The following MAP3K15 variants were observed in gnomAD, a reference collection of about 807,000 sequenced individuals.
The protein encoded by MAP3K15 is mitogen-activated protein kinase kinase kinase 15, also known as MAPK/ERK kinase kinase 15.
MAP3K15 carries 124 observed loss-of-function variants against 99.5 expected under a neutral mutation model. That is an observed-to-expected ratio of 1.25 (90% CI 1.08 to 1.45). The LOEUF (loss-of-function observed/expected upper bound fraction) is 1.45, where lower values mean the gene tolerates loss of function less well. Ranked by LOEUF, MAP3K15 falls within the 40% of genes most tolerant of loss-of-function variation. MAP3K15 has a pLI of 0.00. For synonymous variants in MAP3K15, 494 were observed against 439.6 expected (o/e 1.12, Z -1.55); for missense variants, 1,242 against 1,079.7 (o/e 1.15, Z -2.11).
intron 11 of MAP3K15, among the ~76,000 whole-genome samples, 193 bp downstream of exon 11, chrX:19,413,161 TCAC>T (rs964778496): frequency 7.7e-5 from 8 of 104,246 alleles, no homozygotes. Context: ...CCCCCACACC[TCAC>T]CACATGCCCA....
intron 9 of MAP3K15, among the ~76,000 whole-genome samples, chrX:19,415,690 T>C (rs2063728573): frequency 9.0e-6 from 1 of 110,681 alleles, no homozygotes; most frequent in Non-Finnish European, 1.9e-5. Flanking sequence ...TGAAAAACTT[T>C]GCAGATAAAC....
chrX:19,479,391 G>T (rs2064274345), intron 3 of MAP3K15, among the ~76,000 whole-genome samples: 1 of 111,123 alleles, frequency 9.0e-6, no homozygotes, highest in African/African-American at 3.3e-5. Flanking sequence ...CCCTCCCAAT[G>T]TGGTCAGCCA....
chrX:19,508,681 G>A (rs758302608), intron 1 of MAP3K15, among the ~76,000 whole-genome samples: 214 of 110,981 alleles, frequency 1.9e-3, no homozygotes, highest in African/African-American at 6.6e-3. Context: ...CCAGGAATTC[G>A]AGTCCATAAG....
intron 15 of MAP3K15, among the ~76,000 whole-genome samples, 163 bp from the exon 16 acceptor site, chrX:19,395,371 G>C (rs2063561288): frequency 1.8e-5 from 2 of 111,775 alleles, no homozygotes; most frequent in African/African-American, 3.3e-5. Context: ...CTGTACAATA[G>C]AGGATAAGCC....
intron 6 of MAP3K15, among the ~76,000 whole-genome samples, chrX:19,432,776 C>T (rs1209514242): frequency 9.4e-6 from 1 of 106,072 alleles, no homozygotes; most frequent in Non-Finnish European, 1.9e-5. Flanking sequence ...AGTGCAGTGG[C>T]ATGATCTCAA....
chrX:19,464,842 GTGGA>G (rs1265684628), intron 3 of MAP3K15, among the ~76,000 whole-genome samples: 1 of 111,569 alleles, frequency 9.0e-6, no homozygotes, highest in Non-Finnish European at 1.9e-5. Context: ...TATAAACTTT[GTGGA>G]ATAAAAATTG....
chrX:19,446,679 G>C (rs1003535479), intron 6 of MAP3K15, among the ~76,000 whole-genome samples: 1 of 110,423 alleles, frequency 9.1e-6, no homozygotes, highest in Admixed American at 9.7e-5. Flanking sequence ...CTTCAGTCAG[G>C]CTAAACTGGA....
rs2063387133 is a variant in MAP3K15 at position 19,372,941 on chromosome X, G to A, written c.2934-114C>T. ...GAGAGGTAACTGCGATGCAGTCCCT[G>A]TGCTCAAGAAGATGAAATTGCCGGA... On this transcript the variant is annotated intron_variant, in intron 21 of 28. Transcript: ENST00000338883. 5.6e-6 allele frequency: 4 copies of A among 712,593 alleles called. No homozygotes were observed. In the Admixed American group the frequency reaches 9.3e-5, roughly 17 times the overall value. 58.7% of individuals were successfully genotyped at this position (712,593 alleles called of 1,213,427 possible).
chrX:19,370,158 T>C (rs1177963350), intron 24 of MAP3K15, among the ~76,000 whole-genome samples: 1 of 111,795 alleles, frequency 8.9e-6, no homozygotes, highest in Non-Finnish European at 1.9e-5. Context: ...AAGCCTCCCT[T>C]AGCAGGAAGA....
At chrX:19,394,995 G>A (rs1464706050) in intron 16 of MAP3K15, 86 bp downstream of exon 16, 1 of 1,092,879 alleles carries the variant, frequency 9.2e-7, no homozygotes, top group African/African-American at 1.9e-5. Flanking sequence ...TTAGGGGTCT[G>A]TCATTTTGTA....
At chrX:19,507,575 C>CAAAAAAAAAAAAAAAAAAAAAAAAA (rs1165492097) in intron 1 of MAP3K15, among the ~76,000 whole-genome samples, 1 of 10,893 alleles carries the variant, frequency 9.2e-5, no homozygotes, top group African/African-American at 3.2e-4. Context: ...CACCTTGTCT[C>CAAAAAAAAAAAAAAAAAAAAAAAAA]AAAAAAAAAA....
intron 13 of MAP3K15, among the ~76,000 whole-genome samples, chrX:19,405,458 A>G (rs1450146383): frequency 1.8e-5 from 2 of 112,324 alleles, no homozygotes; most frequent in Non-Finnish European, 1.9e-5. Context: ...TTAAGTCAAA[A>G]AAGACAAAGA....
At chrX:19,470,542 AAATT>A (rs1221158341) in intron 3 of MAP3K15, among the ~76,000 whole-genome samples, 1 of 33,938 alleles carries the variant, frequency 2.9e-5, no homozygotes, top group African/African-American at 5.6e-5. Context: ...CCTAAAACTT[AAATT>A]AAAAAAAAAA....
At chrX:19,471,046 G>C (rs2064204717) in intron 3 of MAP3K15, among the ~76,000 whole-genome samples, 1 of 111,488 alleles carries the variant, frequency 9.0e-6, no homozygotes, top group Non-Finnish European at 1.9e-5. Context: ...CAGGCAATTT[G>C]AGTGGCAGAA....
intron 19 of MAP3K15, among the ~76,000 whole-genome samples, chrX:19,377,331 A>G (rs1218788736): frequency 8.9e-6 from 1 of 112,026 alleles, no homozygotes; most frequent in Non-Finnish European, 1.9e-5. Flanking sequence ...AGGCAGGTGG[A>G]TCACTGGAGT....
chrX:19,499,292 T>C (rs1186848466), intron 1 of MAP3K15, among the ~76,000 whole-genome samples: 2 of 112,222 alleles, frequency 1.8e-5, no homozygotes, highest in Non-Finnish European at 3.8e-5. Context: ...TTGGTGACGA[T>C]GTGAAGCCAC....
At chrX:19,429,475 T>A (rs1447853227) in intron 7 of MAP3K15, among the ~76,000 whole-genome samples, 4 of 110,001 alleles carry the variant, frequency 3.6e-5, no homozygotes, top group Non-Finnish European at 7.6e-5. Context: ...AGTTTAGACC[T>A]AGGAGGGTAG....
chrX:19,489,834 G>A (rs112610124), intron 1 of MAP3K15, among the ~76,000 whole-genome samples: 47 of 110,487 alleles, frequency 4.3e-4, no homozygotes, highest in African/African-American at 1.5e-3. Flanking sequence ...TCAGGAGTTC[G>A]AGACCAGCCT....
chrX:19,373,625 G>A lies in MAP3K15; in HGVS notation c.2844C>T (p.His948=), dbSNP rs148366343. The A allele has an allele frequency of 5.2e-4, 622 of 1,195,615 alleles. 4 individuals are homozygous for A. In the African/African-American group the frequency reaches 7.9e-3, roughly 15 times the overall value. Residue 948 remains histidine (H), a synonymous_variant, in exon 21 of 29, where the codon CAC becomes CAT. Transcript: ENST00000338883. ...GEPMATSSSE[H]GSVSPDSDAQ... is the part of the protein sequence containing the mutation. ...CGTCGGAGTCTGGGGAGACAGAGCC[G>A]TGCTCGCTGCTGCTGGTGGCCATGG...
Sources: gnomAD v4.1 joint callset for allele counts (sites outside exome capture counted in the v4.1 genomes callset) on GRCh38, gnomAD v4.1.1 for gene constraint, MANE v1.5 for transcripts, NCBI Gene and HGNC (gene_info 2026-07-23, HGNC 2026-07-21) for gene names.